Variants in CALN1 observed in about 807,000 individuals in gnomAD.
CALN1 encodes the protein calneuron 1, also known as calcium-binding protein 8.
CALN1 carries 17 observed loss-of-function variants against 30.6 expected under a neutral mutation model. The observed-to-expected ratio is 0.56, with a 90% confidence interval of 0.38 to 0.83. The LOEUF (loss-of-function observed/expected upper bound fraction) is 0.83. Among genes scored for constraint, CALN1 ranks in the 40% least tolerant of loss-of-function variants. The pLI, the probability that CALN1 is intolerant of heterozygous loss-of-function variation, is 0.00. For missense variants in CALN1, 291 were observed against 354.9 expected, an observed-to-expected ratio of 0.82 and a Z score of 1.45; for synonymous variants, 156 against 131.4, an observed-to-expected ratio of 1.19 and a Z score of -1.28.
At chr7:72,062,991 G>A (rs2129537144) in intron 4 of CALN1, among the ~76,000 whole-genome samples, 1 of 152,182 alleles carries the variant, frequency 6.6e-6, no homozygotes, top group Admixed American at 6.5e-5. Context: ...ATTTGATAAG[G>A]TTAACATTGT....
chr7:72,288,316 T>C (rs1193540784), intron 2 of CALN1, among the ~76,000 whole-genome samples: 1 of 152,148 alleles, frequency 6.6e-6, no homozygotes, highest in Non-Finnish European at 1.5e-5. Context: ...GGTCTCTCCA[T>C]AGGGCTTCTG....
chr7:71,897,982 A>AC (rs1473453498), intron 5 of CALN1, among the ~76,000 whole-genome samples: 6 of 121,108 alleles, frequency 5.0e-5, no homozygotes, highest in Non-Finnish European at 8.4e-5. Context: ...CAAAAAAAAA[A>AC]AAAAAAAAAA....
intron 5 of CALN1, among the ~76,000 whole-genome samples, chr7:72,004,429 CT>C (rs1281916348): frequency 6.6e-6 from 1 of 152,072 alleles, no homozygotes; most frequent in Non-Finnish European, 1.5e-5. Flanking sequence ...AACTATAAAA[CT>C]TTTAGAAGAA....
At chr7:71,957,414 CTT>C (rs1797014169) in intron 5 of CALN1, among the ~76,000 whole-genome samples, 1 of 152,174 alleles carries the variant, frequency 6.6e-6, no homozygotes, top group Non-Finnish European at 1.5e-5. Context: ...CAAAGACACT[CTT>C]TTCGTAGTAA....
chr7:72,034,387 A>G (rs1159878296), intron 4 of CALN1, among the ~76,000 whole-genome samples: 2 of 151,182 alleles, frequency 1.3e-5, no homozygotes, highest in Admixed American at 6.6e-5. Flanking sequence ...AAAAGAAACT[A>G]GGAACAACAA....
At chr7:72,352,747 G>A (rs1803001236) in intron 2 of CALN1, among the ~76,000 whole-genome samples, 1 of 151,706 alleles carries the variant, frequency 6.6e-6, no homozygotes, top group Non-Finnish European at 1.5e-5. Context: ...AAAAAGAGAA[G>A]AACAAATTAA....
intron 3 of CALN1, among the ~76,000 whole-genome samples, chr7:72,126,753 C>T (rs958673474): frequency 3.3e-5 from 5 of 151,526 alleles, no homozygotes; most frequent in South Asian, 2.1e-4. Context: ...ATAATGGTCT[C>T]CAGCTCCATC....
intron 2 of CALN1, among the ~76,000 whole-genome samples, chr7:72,380,723 A>ACATAGATG (rs1438043339): frequency 6.6e-6 from 1 of 151,694 alleles, no homozygotes; most frequent in Non-Finnish European, 1.5e-5. Context: ...ATAGATAGAT[A>ACATAGATG]CATAGATACA....
At chr7:71,989,208 T>C (rs1334810543) in intron 5 of CALN1, among the ~76,000 whole-genome samples, 2 of 152,022 alleles carry the variant, frequency 1.3e-5, no homozygotes, top group Non-Finnish European at 2.9e-5. Flanking sequence ...GAGGCTGAGG[T>C]GGGTGGATCA....
intron 3 of CALN1, among the ~76,000 whole-genome samples, chr7:72,157,991 C>T (rs1787829189): frequency 6.6e-6 from 1 of 152,276 alleles, no homozygotes; most frequent in Non-Finnish European, 1.5e-5. Context: ...CTGATCCACC[C>T]ATCTCGGCCT....
chr7:72,001,325 G>A (rs1169714896), intron 5 of CALN1, among the ~76,000 whole-genome samples: 1 of 152,250 alleles, frequency 6.6e-6, no homozygotes, highest in Non-Finnish European at 1.5e-5. Context: ...GGAGTTGGGT[G>A]AATGGGCTCG....
chr7:71,838,019 G>T (rs1409863827), intron 5 of CALN1, among the ~76,000 whole-genome samples: 2 of 152,154 alleles, frequency 1.3e-5, no homozygotes, highest in African/African-American at 4.8e-5. Flanking sequence ...ACGTTAAGTG[G>T]TAATTGTGGT....
At chr7:72,175,197 C>A (rs1035373271) in intron 3 of CALN1, among the ~76,000 whole-genome samples, 2 of 151,956 alleles carry the variant, frequency 1.3e-5, no homozygotes, top group Non-Finnish European at 2.9e-5. Context: ...CCTCAGCCTC[C>A]CGAGTAGCTG....
chr7:71,804,406 G>T (rs1299697736), intron 6 of CALN1, among the ~76,000 whole-genome samples: 3 of 152,202 alleles, frequency 2.0e-5, no homozygotes, highest in African/African-American at 7.2e-5. Context: ...TACTCAGGAG[G>T]CTGAAGCAGG....
At chr7:72,397,712 T>TCACACTCACACA (rs1248212217) in intron 2 of CALN1, among the ~76,000 whole-genome samples, 2 of 70,218 alleles carry the variant, frequency 2.8e-5, no homozygotes, top group African/African-American at 1.0e-4. Context: ...ACCCATTCTC[T>TCACACTCACACA]CTCACACACA....
At chr7:72,245,817 T>C (rs1230581921) in intron 3 of CALN1, among the ~76,000 whole-genome samples, 1 of 152,110 alleles carries the variant, frequency 6.6e-6, no homozygotes, top group Non-Finnish European at 1.5e-5. Flanking sequence ...AAAAGACCAG[T>C]TCTTCTTTCA....
intron 6 of CALN1, among the ~76,000 whole-genome samples, chr7:71,795,313 C>T (rs765214883): frequency 1.2e-4 from 19 of 152,146 alleles, no homozygotes; most frequent in Non-Finnish European, 2.4e-4. Flanking sequence ...AGCCACTGTG[C>T]GTGCCCGGCC....
At position 72,173,349 on chromosome 7, in the gene CALN1, G is replaced by A. The variant is rs577646477; in HGVS notation, c.245-67055C>T. Among the ~76,000 whole-genome samples, 3 of 151,922 alleles carry A rather than the reference G, an allele frequency of 2.0e-5. No individual in the cohort carries two copies. The South Asian group carries it at 6.2e-4, about 32-fold the overall frequency. On this transcript the variant is annotated intron_variant, in intron 3 of 6. Coordinates refer to ENST00000395275, the MANE Select transcript of CALN1 (RefSeq NM_031468.4). ...AATATATATATATATCATGTTTATG[G>A]GTTAAAATATTCCATATTGTTAAGA... is the stretch of plus-strand genomic sequence containing the variant.
chr7:72,267,267 A>G (rs1051194581), intron 3 of CALN1, among the ~76,000 whole-genome samples: 1 of 152,138 alleles, frequency 6.6e-6, no homozygotes, highest in Non-Finnish European at 1.5e-5. Context: ...TTACAAGAAA[A>G]CGTAGGATGG....
Sources: gnomAD v4.1 joint callset for allele counts (sites outside exome capture counted in the v4.1 genomes callset) on GRCh38, gnomAD v4.1.1 for gene constraint, MANE v1.5 for transcripts, NCBI Gene and HGNC (gene_info 2026-07-23, HGNC 2026-07-21) for gene names.